MGAT5: variants seen among roughly 807,000 people sequenced by gnomAD.
MGAT5 encodes the protein alpha-1,6-mannosylglycoprotein 6-beta-N-acetylglucosaminyltransferase.
In MGAT5, 30 loss-of-function variants were observed where a neutral mutation model predicts 94.3. The observed-to-expected ratio is 0.32, with a 90% CI of 0.24 to 0.43. The LOEUF (loss-of-function observed/expected upper bound fraction) is 0.43, where lower values mean the gene tolerates loss of function less well. Among genes scored for constraint, MGAT5 ranks in the 20% least tolerant of loss-of-function variants. The pLI is 1.00. For synonymous variants in MGAT5, 310 were observed against 322.9 expected, an observed-to-expected ratio of 0.96 and a Z score of 0.43; for missense variants, 691 against 905.5, an observed-to-expected ratio of 0.76 and a Z score of 3.04.
chr2:134,192,006 C>T (rs1404228102), intron 1 of MGAT5, among the ~76,000 whole-genome samples: 2 of 149,374 alleles, frequency 1.3e-5, no homozygotes, highest in East Asian at 2.1e-4. Context: ...TTCGCGCCCT[C>T]CTCCTCGCGT....
chr2:134,331,943 A>G (rs1029018194), intron 4 of MGAT5, among the ~76,000 whole-genome samples: 13 of 151,690 alleles, frequency 8.6e-5, no homozygotes, highest in African/African-American at 3.1e-4. Flanking sequence ...AGAACATTCC[A>G]TGCTCATGGG....
intron 1 of MGAT5, among the ~76,000 whole-genome samples, chr2:134,223,708 C>T (rs1680908702): frequency 6.6e-6 from 1 of 151,962 alleles, no homozygotes; most frequent in Admixed American, 6.6e-5. Context: ...TATAGCAAGG[C>T]CAATTTATGT....
chr2:134,259,948 C>T (rs1683215005), intron 1 of MGAT5, among the ~76,000 whole-genome samples: 2 of 152,126 alleles, frequency 1.3e-5, no homozygotes, highest in South Asian at 4.1e-4. Context: ...GGCTACTTTG[C>T]ACTAGAAGGT....
intron 13 of MGAT5, 68 bp downstream of exon 13, chr2:134,422,987 A>G: frequency 8.6e-7 from 1 of 1,160,006 alleles, no homozygotes; most frequent in Non-Finnish European, 1.3e-6. Flanking sequence ...AACACATCAT[A>G]GGTCCTTGTT....
chr2:134,317,115 C>T (rs965801994), intron 2 of MGAT5, among the ~76,000 whole-genome samples: 3 of 152,166 alleles, frequency 2.0e-5, no homozygotes, highest in South Asian at 2.1e-4. Context: ...GTTGTCTTCA[C>T]GAGGTCTGTT....
rs1395012746 is a variant in MGAT5 at position 134,189,601 on chromosome 2, TG to T, written c.-142-64660del. Among the ~76,000 whole-genome samples, 172 of 94,290 alleles carry T rather than the reference TG, an allele frequency of 1.8e-3. 4 individuals are homozygous for T. The highest frequency in any genetic ancestry group is 4.8e-3 in the African/African-American group (85 of 17,794). 61.9% of individuals were successfully genotyped at this position (94,290 alleles called of 152,430 possible). A position where few individuals can be genotyped will look rare whatever the true frequency, so the allele number is the denominator to read the frequency against. On this transcript the variant is annotated intron_variant, in intron 1 of 16. Coordinates refer to the MGAT5 transcript ENST00000409645. ...TAACCTCATGGCTCTAGTTTTTTTT[TG>T]TTTTTTTTTTTTTTTTTTAAGACAG...
At chr2:134,259,846 A>T (rs16830280) in intron 1 of MGAT5, among the ~76,000 whole-genome samples, 29,457 of 152,112 alleles carry the variant, frequency 0.19, 4,601 homozygotes, top group East Asian at 0.46. Context: ...ATGCTTTGTT[A>T]TCTTTGGAAG....
At position 134,416,474 on chromosome 2, in the gene MGAT5, C is replaced by CTTTTTTT. The variant is rs71275904; in HGVS notation, c.1677+3464_1677+3470dup. Among the ~76,000 whole-genome samples the CTTTTTTT allele has an allele frequency of 3.6e-3, 504 of 139,196 alleles. 8 individuals carry two copies. Among genetic ancestry groups the CTTTTTTT allele is most frequent in the African/African-American group, 0.013 (476 of 36,426 alleles). 91.3% of individuals were successfully genotyped at this position (139,196 alleles called of 152,430 possible). On this transcript the variant is annotated intron_variant, in intron 12 of 15. Coordinates refer to ENST00000281923, the MANE Select transcript of MGAT5 (RefSeq NM_002410.5). ...GCCTGTTTCAGAATCTCATTCCTTACTTTTTTTTTTTGGAGACCGGGTCTT... is the reference window on the plus strand; with the variant it reads ...GCCTGTTTCAGAATCTCATTCCTTACTTTTTTTTTTTTTTTTTTGGAGACCGGGTCTT...
At chr2:134,385,118 T>C (rs545438540) in intron 10 of MGAT5, among the ~76,000 whole-genome samples, 21 of 152,362 alleles carry the variant, frequency 1.4e-4, no homozygotes, top group African/African-American at 4.8e-4. Flanking sequence ...GCTGCTGTTA[T>C]TGATTCTACA....
intron 12 of MGAT5, among the ~76,000 whole-genome samples, chr2:134,421,023 A>G (rs1356232699): frequency 6.6e-6 from 1 of 152,208 alleles, no homozygotes; most frequent in African/African-American, 2.4e-5. Context: ...AATTGACATT[A>G]TGAAGGAGGA....
intron 1 of MGAT5, among the ~76,000 whole-genome samples, chr2:134,144,818 G>A (rs1686834315): frequency 6.6e-6 from 1 of 152,124 alleles, no homozygotes; most frequent in South Asian, 2.1e-4. Context: ...ACGGCTGCTG[G>A]GTGAGTCCTT....
At chr2:134,447,777 C>A (rs1026326360) in intron 15 of MGAT5, among the ~76,000 whole-genome samples, 1 of 152,230 alleles carries the variant, frequency 6.6e-6, no homozygotes, top group Admixed American at 6.5e-5. Flanking sequence ...GGCCCCCCTA[C>A]GCAGTGGTCC....
intron 10 of MGAT5, among the ~76,000 whole-genome samples, chr2:134,383,980 CT>C (rs58151313): frequency 0.97 from 148,161 of 152,256 alleles, 72,167 homozygotes; most frequent in East Asian, 1. Flanking sequence ...CGCCTGGCCG[CT>C]TAAGCATGGT....
chr2:134,150,488 G>T (rs1687122958), intron 1 of MGAT5, among the ~76,000 whole-genome samples: 1 of 152,064 alleles, frequency 6.6e-6, no homozygotes, highest in Non-Finnish European at 1.5e-5. Flanking sequence ...TAATTGGGAG[G>T]CCCCCTCCCT....
At chr2:134,250,319 C>T (rs547656863), upstream of MGAT5, among the ~76,000 whole-genome samples, 22 of 152,300 alleles carry the variant, frequency 1.4e-4, no homozygotes, top group African/African-American at 5.3e-4. Flanking sequence ...ACTGTATAGT[C>T]CCACTGTGCC....
chr2:134,223,472 A>AT (rs1396301755), intron 1 of MGAT5, among the ~76,000 whole-genome samples: 1 of 151,728 alleles, frequency 6.6e-6, no homozygotes, highest in Non-Finnish European at 1.5e-5. Context: ...TTTGACAGTT[A>AT]TAAGAGTAAT....
intron 2 of MGAT5, among the ~76,000 whole-genome samples, chr2:134,291,967 C>T (rs893944271): frequency 6.6e-6 from 1 of 151,738 alleles, no homozygotes; most frequent in Admixed American, 6.6e-5. Flanking sequence ...AGAAGGTGTC[C>T]GTCTCAGATT....
chr2:134,396,976 T>C (rs1305555594), intron 10 of MGAT5, among the ~76,000 whole-genome samples: 1 of 152,162 alleles, frequency 6.6e-6, no homozygotes, highest in African/African-American at 2.4e-5. Flanking sequence ...GAAGGTTCTT[T>C]TGGGCATTAG....
chr2:134,270,295 G>C (rs537313273), intron 1 of MGAT5, 91 bp from the exon 2 acceptor site: 1 of 1,252,758 alleles, frequency 8.0e-7, no homozygotes, highest in Non-Finnish European at 1.1e-6. Flanking sequence ...AAACATTTGA[G>C]AAGTTTTGTT....
Sources: gnomAD v4.1 joint callset for allele counts (sites outside exome capture counted in the v4.1 genomes callset) on GRCh38, gnomAD v4.1.1 for gene constraint, MANE v1.5 for transcripts, NCBI Gene and HGNC (gene_info 2026-07-23, HGNC 2026-07-21) for gene names.